The following NDUFC2 variants were observed in gnomAD, a reference collection of about 807,000 sequenced individuals.
NDUFC2 encodes the protein NADH:ubiquinone oxidoreductase subunit C2, also known as NADH dehydrogenase [ubiquinone] 1 subunit C2.
NDUFC2 carries 2 observed loss-of-function variants against 10.1 expected under a neutral mutation model. That is an observed-to-expected ratio of 0.20 (90% CI 0.08 to 0.62). The LOEUF (loss-of-function observed/expected upper bound fraction) is 0.62. Among genes scored for constraint, NDUFC2 ranks in the 20% least tolerant of loss-of-function variants. The probability of loss-of-function intolerance (pLI) is 0.87; values close to 1 mark genes in which losing one functional copy is unlikely to be tolerated. For synonymous variants in NDUFC2, 61 were observed against 63.6 expected, an observed-to-expected ratio of 0.96 and a Z score of 0.20; for missense variants, 156 against 159.6, an observed-to-expected ratio of 0.98 and a Z score of 0.12.
At chr11:78,075,306 C>A (rs1028006628) in intron 1 of NDUFC2, among the ~76,000 whole-genome samples, 1 of 152,116 alleles carries the variant, frequency 6.6e-6, no homozygotes, top group Admixed American at 6.5e-5. Context: ...AGGGTGACTA[C>A]AGTTAATAAT....
At chr11:78,079,484 A>T in intron 1 of NDUFC2, 95 bp downstream of exon 1, 3 of 1,452,948 alleles carry the variant, frequency 2.1e-6, no homozygotes, top group Non-Finnish European at 1.8e-6. Flanking sequence ...AAAGGCACGG[A>T]AAAGCAGAGC....
At chr11:78,070,489 A>AT (rs1173597183) in intron 2 of NDUFC2, among the ~76,000 whole-genome samples, 1 of 152,156 alleles carries the variant, frequency 6.6e-6, no homozygotes, top group African/African-American at 2.4e-5. Flanking sequence ...AAGTTAAAAA[A>AT]TTTTTTTTAA....
At chr11:78,074,394 C>G (rs1312031220) in intron 1 of NDUFC2, among the ~76,000 whole-genome samples, 1 of 151,934 alleles carries the variant, frequency 6.6e-6, no homozygotes, top group African/African-American at 2.4e-5. Context: ...GGGTGGATCA[C>G]CTGAGGTCAG....
intron 1 of NDUFC2, among the ~76,000 whole-genome samples, chr11:78,075,955 T>G (rs1050608564): frequency 6.6e-6 from 1 of 152,098 alleles, no homozygotes; most frequent in African/African-American, 2.4e-5. Flanking sequence ...CTACCATATC[T>G]CTTCCACCAC....
intron 1 of NDUFC2, among the ~76,000 whole-genome samples, chr11:78,073,737 GGTTGCAGTGAGCCGAGATCGCGCC>G (rs1859119346): frequency 6.8e-6 from 1 of 147,446 alleles, no homozygotes; most frequent in African/African-American, 2.5e-5. Context: ...GGGAGGCAGA[GGTTGCAGTGAGCCGAGATCGCGCC>G]GTTGCACTCC....
chr11:78,079,605 A>C lies in NDUFC2; in HGVS notation c.140T>G (p.Ile47Ser). Residue 47 changes from isoleucine to serine, a missense_variant, in exon 1 of 3, where the codon ATC (isoleucine) becomes AGC (serine). Coordinates refer to ENST00000281031, the MANE Select transcript of NDUFC2 (RefSeq NM_004549.6). ...GYCSGLIDNLIRRRPIATAGL... is the reference protein window; with the variant it reads ...GYCSGLIDNLSRRRPIATAGL... ...AGCCGTCGCGATCGGCCTCCGCCGG[A>C]TTAGGTTATCAATCAGGCCGGAGCA... is the stretch of plus-strand genomic sequence containing the variant. 1 of 1,559,150 alleles carries C rather than the reference A, an allele frequency of 6.4e-7. No homozygotes were observed. Among genetic ancestry groups the C allele is most frequent in the Non-Finnish European group, 8.7e-7 (1 of 1,152,078 alleles).
chr11:78,073,077 A>G lies in NDUFC2; in HGVS notation c.231T>C (p.Arg77=). 6.2e-7 allele frequency: 1 copy of G among 1,614,162 alleles called. No homozygotes were observed. Among genetic ancestry groups the G allele is most frequent in the Admixed American group, 1.7e-5 (1 of 59,984 alleles). Residue 77 remains arginine (R), a synonymous_variant, in exon 2 of 3, where the codon CGT becomes CGC. Transcript: ENST00000281031. ...FFFAGYYLVK[R]EDYLYAVRDR... ...CCCTCACAGCATACAGGTAGTCTTCACGTTTTACAAGATAATATCCAGCAA... is the reference window on the plus strand; with the variant it reads ...CCCTCACAGCATACAGGTAGTCTTCGCGTTTTACAAGATAATATCCAGCAA...
intron 1 of NDUFC2, among the ~76,000 whole-genome samples, chr11:78,078,480 A>T (rs1017192820): frequency 6.6e-6 from 1 of 151,702 alleles, no homozygotes; most frequent in African/African-American, 2.4e-5. Context: ...AACTTCAAAG[A>T]CCCCTCTTCC....
At chr11:78,079,505 G>A (rs1859414570) in intron 1 of NDUFC2, 74 bp downstream of exon 1, 5 of 1,505,530 alleles carry the variant, frequency 3.3e-6, no homozygotes, top group Non-Finnish European at 4.4e-6. Context: ...ACCTCAGGGG[G>A]GCCTACGGCC....
In NDUFC2 at chr11:78,068,959, A is replaced by T. The variant is rs949969732; in HGVS notation, c.*1028T>A. On this transcript the variant is annotated 3_prime_UTR_variant, in exon 3 of 3. Coordinates refer to ENST00000281031, the MANE Select transcript of NDUFC2 (RefSeq NM_004549.6). ...TGCAGTGAACTGTGACACAACCACA[A>T]TTAATTGCATCCTCGAATTCCAGGG... is the stretch of plus-strand genomic sequence containing the variant. 6.6e-6 allele frequency: 1 copy of T among 152,012 alleles called. No individual in the cohort carries two copies. The highest frequency in any genetic ancestry group is 1.5e-5 in the Non-Finnish European group (1 of 67,996). The allele number at this position is 152,012 out of a possible 1,614,324, so 9.4% of individuals were successfully genotyped here.
In NDUFC2 at chr11:78,079,632, T is replaced by C. The variant is rs745905669; in HGVS notation, c.113A>G (p.Tyr38Cys). ...TAGGTTATCAATCAGGCCGGAGCAG[T>C]AGCCCAAGAAGCCGATGTAGAGGAG... The part of the protein sequence containing the change: ...PRLLYIGFLG[Y>C]CSGLIDNLIR... The change falls in exon 1 of 3, where the codon TAC (tyrosine) becomes TGC (cysteine). Residue 38 changes from tyrosine to cysteine, a missense_variant. Transcript: ENST00000281031. 6 of 1,580,316 alleles carry C rather than the reference T, an allele frequency of 3.8e-6. No individual in the cohort carries two copies. The Admixed American group carries it at 5.5e-5, about 14-fold the overall frequency.
chr11:78,072,436 C>A (rs551586049), intron 2 of NDUFC2, among the ~76,000 whole-genome samples: 15 of 152,242 alleles, frequency 9.9e-5, no homozygotes, highest in Non-Finnish European at 1.5e-4. Context: ...GCTCGGCCCC[C>A]CAAAGTGCTG....
At chr11:78,070,310 A>T (rs1858948303) in intron 2 of NDUFC2, among the ~76,000 whole-genome samples, 1 of 152,156 alleles carries the variant, frequency 6.6e-6, no homozygotes, top group East Asian at 1.9e-4. Context: ...CCATGTGAGG[A>T]CACAGCAAGA....
chr11:78,069,974 C>A lies in NDUFC2; in HGVS notation c.*13G>T. On this transcript the variant is annotated 3_prime_UTR_variant, in exon 3 of 3. Coordinates refer to ENST00000281031, the MANE Select transcript of NDUFC2 (RefSeq NM_004549.6). The stretch of plus-strand genomic sequence containing the variant: ...CAGGTATCAGTGAAACTGGAGCAAG[C>A]ATTTTGAAGACTTCAACGTATTGGA... 1.2e-6 allele frequency: 2 copies of A among 1,612,262 alleles called. No homozygotes were observed. The highest frequency in any genetic ancestry group is 1.7e-6 in the Non-Finnish European group (2 of 1,178,986).
chr11:78,072,470 G>A (rs1384308368), intron 2 of NDUFC2, among the ~76,000 whole-genome samples: 2 of 152,306 alleles, frequency 1.3e-5, no homozygotes, highest in South Asian at 2.1e-4. Context: ...GAGCCACTGC[G>A]ACCAGCCGGA....
chr11:78,074,989 C>G lies in NDUFC2; in HGVS notation c.167-1848G>C, dbSNP rs146355733. 6.3e-3 allele frequency among the ~76,000 whole-genome samples: 960 copies of G among 152,292 alleles called. 7 individuals are homozygous for G. The highest frequency in any genetic ancestry group is 0.022 in the African/African-American group (916 of 41,558). ...TGGCCTCTTGCCAAGGCCCCATTTT[C>G]CTAACCTCTCTCCTCATTCTCTCTT... is the stretch of plus-strand genomic sequence containing the variant. On this transcript the variant is annotated intron_variant, in intron 1 of 2. Transcript: ENST00000281031.
chr11:78,072,838 A>G, intron 2 of NDUFC2, 160 bp downstream of exon 2: 2 of 1,056,500 alleles, frequency 1.9e-6, no homozygotes, highest in Non-Finnish European at 2.7e-6. Context: ...GGAGGTAGTC[A>G]GAAACTGGAT....
At chr11:78,071,429 T>A (rs1390980080) in intron 2 of NDUFC2, among the ~76,000 whole-genome samples, 1 of 152,040 alleles carries the variant, frequency 6.6e-6, no homozygotes, top group Non-Finnish European at 1.5e-5. Flanking sequence ...GCTAATTTTT[T>A]AATTTTCTGT....
At chr11:78,070,073 AAT>A (rs1858931515) in intron 2 of NDUFC2, 37 bp from the exon 3 acceptor site, 2 of 1,392,574 alleles carry the variant, frequency 1.4e-6, no homozygotes, top group East Asian at 2.5e-5. Context: ...TTATTTTAAA[AAT>A]ATGTTTTAAA....
Sources: gnomAD v4.1 joint callset for allele counts (sites outside exome capture counted in the v4.1 genomes callset) on GRCh38, gnomAD v4.1.1 for gene constraint, MANE v1.5 for transcripts, NCBI Gene and HGNC (gene_info 2026-07-23, HGNC 2026-07-21) for gene names.